DPF3: variants seen among roughly 807,000 people sequenced by gnomAD.
The protein encoded by DPF3 is double PHD fingers 3, also known as zinc finger protein DPF3.
DPF3 carries 18 observed loss-of-function variants against 56.8 expected under a neutral mutation model. That is an observed-to-expected ratio of 0.32 (90% CI 0.22 to 0.47). The LOEUF is 0.47. Ranked by LOEUF, DPF3 falls within the 20% of genes least tolerant of loss-of-function variation. The pLI is 1.00. For synonymous variants in DPF3, 188 were observed against 180.2 expected (o/e 1.04, Z -0.35); for missense variants, 403 against 488.8 (o/e 0.82, Z 1.65).
At chr14:72,770,636 T>C (rs1236887050) in intron 2 of DPF3, among the ~76,000 whole-genome samples, 1 of 152,218 alleles carries the variant, frequency 6.6e-6, no homozygotes, top group East Asian at 1.9e-4. Flanking sequence ...AAGGAGTGCG[T>C]ATAGATGAAA....
At chr14:72,693,905 C>A (rs527412309) in intron 6 of DPF3, among the ~76,000 whole-genome samples, 247 of 152,358 alleles carry the variant, frequency 1.6e-3, no homozygotes, top group Non-Finnish European at 2.8e-3. Context: ...TGCACTTCTA[C>A]CATGAACGCC....
In DPF3 at chr14:72,714,404, G is replaced by A. The variant is rs772062109; in HGVS notation, c.604+19C>T. On this transcript the variant is annotated intron_variant, in intron 6 of 10. Coordinates refer to ENST00000556509, the MANE Select transcript of DPF3 (RefSeq NM_001280542.3). ...CAGGCGCACAGGGAGGAAGGAAGGT[G>A]GGACCGGCCCATACTTACTGTCACA... The A allele has an allele frequency of 2.6e-5, 42 of 1,612,646 alleles. No individual in the cohort carries two copies. The South Asian group carries it at 4.5e-4, about 17-fold the overall frequency.
chr14:72,623,431 A>G (rs1298834706), intron 9 of DPF3, among the ~76,000 whole-genome samples: 1 of 152,234 alleles, frequency 6.6e-6, no homozygotes, highest in Non-Finnish European at 1.5e-5. Flanking sequence ...ATTTGACAAT[A>G]CATCCTTAGT....
intron 9 of DPF3, among the ~76,000 whole-genome samples, chr14:72,628,507 C>T (rs1272531364): frequency 6.6e-6 from 1 of 152,088 alleles, no homozygotes; most frequent in Non-Finnish European, 1.5e-5. Flanking sequence ...CACTATTTTG[C>T]AACCCCTAAC....
chr14:72,864,392 A>G (rs1212153011), intron 1 of DPF3, among the ~76,000 whole-genome samples: 2 of 152,224 alleles, frequency 1.3e-5, no homozygotes, highest in African/African-American at 4.8e-5. Flanking sequence ...GTTTTTGGTC[A>G]GTGTCGGCCT....
chr14:72,705,920 G>A (rs1386683101), intron 6 of DPF3, among the ~76,000 whole-genome samples: 1 of 151,984 alleles, frequency 6.6e-6, no homozygotes, highest in African/African-American at 2.4e-5. Flanking sequence ...GGTGGGGGAG[G>A]GAAGGAGAAT....
chr14:72,838,898 C>CATATATAT (rs1487324297), intron 1 of DPF3, among the ~76,000 whole-genome samples: 4 of 80,672 alleles, frequency 5.0e-5, no homozygotes, highest in East Asian at 1.1e-3. Flanking sequence ...TATATATTAT[C>CATATATAT]ATATATATTC....
chr14:72,770,616 G>A (rs1891482872), intron 2 of DPF3, among the ~76,000 whole-genome samples: 1 of 152,186 alleles, frequency 6.6e-6, no homozygotes, highest in South Asian at 2.1e-4. Flanking sequence ...ATGAGGTCAG[G>A]GAGAAAAGTA....
chr14:72,763,638 GA>G (rs928800592), intron 2 of DPF3, among the ~76,000 whole-genome samples: 4 of 149,866 alleles, frequency 2.7e-5, no homozygotes, highest in Non-Finnish European at 5.9e-5. Context: ...AAAATTTTAG[GA>G]AAAAAAAATA....
intron 1 of DPF3, among the ~76,000 whole-genome samples, chr14:72,788,421 G>A (rs1387642854): frequency 6.6e-6 from 1 of 152,004 alleles, no homozygotes; most frequent in Admixed American, 6.5e-5. Flanking sequence ...AGGGGAAGAG[G>A]AGGAGGAGGA....
intron 8 of DPF3, among the ~76,000 whole-genome samples, chr14:72,660,720 C>T (rs1193965006): frequency 2.0e-5 from 3 of 152,192 alleles, no homozygotes; most frequent in African/African-American, 7.2e-5. Flanking sequence ...CATAATCAGG[C>T]TTTCAATCCA....
chr14:72,729,116 TGC>T (rs1244385569), intron 4 of DPF3, among the ~76,000 whole-genome samples: 10 of 151,798 alleles, frequency 6.6e-5, no homozygotes, highest in Admixed American at 5.9e-4. Context: ...GAGGTGGTGG[TGC>T]GCAACTATAA....
chr14:72,816,815 T>C (rs1464285054), intron 1 of DPF3, among the ~76,000 whole-genome samples: 1 of 152,242 alleles, frequency 6.6e-6, no homozygotes, highest in East Asian at 1.9e-4. Context: ...TTTCTCCTCC[T>C]GTCATCTTTT....
chr14:72,702,476 C>T (rs1274404174), intron 6 of DPF3, among the ~76,000 whole-genome samples: 3 of 152,146 alleles, frequency 2.0e-5, no homozygotes, highest in Admixed American at 6.5e-5. Flanking sequence ...CCTTCATAAT[C>T]ACTCTGGCAT....
chr14:72,672,803 C>G (rs1288324887), intron 8 of DPF3, among the ~76,000 whole-genome samples: 1 of 152,182 alleles, frequency 6.6e-6, no homozygotes. Context: ...AAACCTACAG[C>G]AGTCCATAAC....
At chr14:72,620,428 G>A (rs1210311820) in intron 9 of DPF3, among the ~76,000 whole-genome samples, 2 of 152,198 alleles carry the variant, frequency 1.3e-5, no homozygotes, top group Non-Finnish European at 2.9e-5. Flanking sequence ...GCCAACAGCT[G>A]TACTGGGATG....
chr14:72,873,303 C>T (rs972837559), intron 1 of DPF3, among the ~76,000 whole-genome samples: 2 of 152,272 alleles, frequency 1.3e-5, no homozygotes, highest in African/African-American at 2.4e-5. Context: ...ATTTATGCAG[C>T]CAAAAGACAC....
intron 7 of DPF3, chr14:72,675,916 T>C (rs911380349): frequency 6.6e-6 from 1 of 152,228 alleles, no homozygotes; most frequent in Non-Finnish European, 1.5e-5. Flanking sequence ...AGAATGCTTT[T>C]GCAAATAATC....
chr14:72,769,595 G>A (rs371091239), intron 2 of DPF3, among the ~76,000 whole-genome samples: 14 of 149,300 alleles, frequency 9.4e-5, no homozygotes, highest in South Asian at 6.3e-4. Flanking sequence ...CAGGAGAATC[G>A]CTTGAACCCG....
Sources: allele counts gnomAD v4.1 joint callset (sites outside exome capture counted in the v4.1 genomes callset), GRCh38; gene constraint gnomAD v4.1.1; transcripts MANE v1.5; gene names NCBI Gene and HGNC (gene_info 2026-07-23, HGNC 2026-07-21).